Variants in CETN3 observed in about 807,000 individuals in gnomAD.
CETN3 encodes the protein centrin 3.
In CETN3, 17 loss-of-function variants were observed where a neutral mutation model predicts 20.1. The observed-to-expected ratio is 0.85, with a 90% CI of 0.58 to 1.27. CETN3 has a LOEUF of 1.27. Ranked by LOEUF, CETN3 falls within the 50% of genes most tolerant of loss-of-function variation. CETN3 has a pLI of 0.00. For missense variants in CETN3, 169 were observed against 191.2 expected, an observed-to-expected ratio of 0.88 and a Z score of 0.69; for synonymous variants, 52 against 59.7, an observed-to-expected ratio of 0.87 and a Z score of 0.59.
chr5:90,398,391 G>A (rs2151882208), intron 4 of CETN3, among the ~76,000 whole-genome samples: 1 of 152,232 alleles, frequency 6.6e-6, no homozygotes, highest in Non-Finnish European at 1.5e-5. Context: ...TTCTCTAAAT[G>A]CTATAGGCCT....
intron 3 of CETN3, among the ~76,000 whole-genome samples, chr5:90,404,603 T>C (rs1008579166): frequency 1.3e-5 from 2 of 152,230 alleles, no homozygotes; most frequent in Non-Finnish European, 2.9e-5. Context: ...TCTTCTGTGC[T>C]GTGTTTTTTT....
At chr5:90,403,156 T>C (rs1749344049) in intron 3 of CETN3, among the ~76,000 whole-genome samples, 1 of 152,196 alleles carries the variant, frequency 6.6e-6, no homozygotes, top group Non-Finnish European at 1.5e-5. Context: ...TCTATAATAG[T>C]TAACTGCCAA....
At chr5:90,405,500 T>C (rs977494168) in intron 3 of CETN3, 185 bp downstream of exon 3, 2 of 548,528 alleles carry the variant, frequency 3.6e-6, no homozygotes, top group Admixed American at 7.3e-5. Flanking sequence ...ACTATAAATC[T>C]CAGAGCAAAG....
chr5:90,397,045 A>G (rs1241210184), intron 4 of CETN3, among the ~76,000 whole-genome samples: 1 of 152,124 alleles, frequency 6.6e-6, no homozygotes, highest in Non-Finnish European at 1.5e-5. Context: ...GTTATATGAA[A>G]ATACTATGCC....
At chr5:90,399,598 G>T in intron 3 of CETN3, 49 bp from the exon 4 acceptor site, 1 of 1,401,034 alleles carries the variant, frequency 7.1e-7, no homozygotes, top group Non-Finnish European at 1.0e-6. Flanking sequence ...TAATCACAAA[G>T]GCATTCATTT....
chr5:90,397,068 G>C (rs187250962), intron 4 of CETN3, among the ~76,000 whole-genome samples: 1 of 152,066 alleles, frequency 6.6e-6, no homozygotes, highest in East Asian at 1.9e-4. Context: ...TTTATACAAG[G>C]GACTTGAGCA....
At chr5:90,407,551 T>C in intron 2 of CETN3, 148 bp downstream of exon 2, 1 of 453,768 alleles carries the variant, frequency 2.2e-6, no homozygotes, top group South Asian at 8.9e-5. Context: ...TCAGTTTTAT[T>C]ACAGCATCTA....
At chr5:90,396,065 T>C (rs747053315) in intron 4 of CETN3, 9 of 939,420 alleles carry the variant, frequency 9.6e-6, no homozygotes, top group Non-Finnish European at 1.0e-5. Context: ...ATAAGAAAAA[T>C]TTAGGTAAAG....
rs990922917 is a variant in CETN3, at chr5:90,399,676, T to C, written c.269-127A>G. 3.2e-5 allele frequency: 23 copies of C among 710,600 alleles called. No homozygotes were observed. The Admixed American group carries it at 4.0e-4, about 12-fold the overall frequency. 44.0% of individuals were successfully genotyped at this position (710,600 alleles called of 1,614,324 possible). On this transcript the variant is annotated intron_variant, in intron 3 of 4. Coordinates refer to ENST00000283122, the MANE Select transcript of CETN3 (RefSeq NM_004365.4). The stretch of plus-strand genomic sequence containing the variant: ...GTCAACTTTTAGTCTGACAATAAAA[T>C]GTCAAATGAGATCCCCAAACCCCGA...
intron 3 of CETN3, among the ~76,000 whole-genome samples, chr5:90,402,381 C>G (rs748968426): frequency 2.6e-5 from 4 of 152,146 alleles, no homozygotes; most frequent in Non-Finnish European, 5.9e-5. Context: ...CTGGCCCAAT[C>G]CTATGTTTCC....
chr5:90,392,665 C>T lies in CETN3; in HGVS notation c.*1399G>A, dbSNP rs569302704. 1 of 152,334 alleles carries T rather than the reference C, an allele frequency of 6.6e-6. No homozygotes were observed. The highest frequency in any genetic ancestry group is 2.4e-5 in the African/African-American group (1 of 41,560). 9.4% of individuals were successfully genotyped at this position (152,334 alleles called of 1,614,324 possible). A position where few individuals can be genotyped will look rare whatever the true frequency, so the allele number is the denominator to read the frequency against. On this transcript the variant is annotated 3_prime_UTR_variant, in exon 5 of 5. Transcript: ENST00000283122. ...GCCTTCTACCATGACTGTAAGCTTCCTGAGGCCTCCCCAAAAGCAGAAGCA... is the reference window on the plus strand; with the variant it reads ...GCCTTCTACCATGACTGTAAGCTTCTTGAGGCCTCCCCAAAAGCAGAAGCA...
At chr5:90,408,794 A>G (rs1749537365) in intron 1 of CETN3, among the ~76,000 whole-genome samples, 1 of 132,058 alleles carries the variant, frequency 7.6e-6, no homozygotes, top group African/African-American at 3.0e-5. Flanking sequence ...TGGTCTCTGA[A>G]AGCTCCAAAA....
chr5:90,399,576 A>C (rs1749230089), intron 3 of CETN3, 27 bp from the exon 4 acceptor site: 9 of 1,548,436 alleles, frequency 5.8e-6, no homozygotes, highest in Non-Finnish European at 7.1e-6. Context: ...TATATATTTT[A>C]ATAAACCTGC....
chr5:90,407,619 T>C (rs1749485946), intron 2 of CETN3, 80 bp downstream of exon 2: 1 of 1,008,310 alleles, frequency 9.9e-7, no homozygotes, highest in Admixed American at 4.0e-5. Context: ...AAAATAATTA[T>C]TTAGAAATGT....
At chr5:90,409,111 A>T (rs538398658) in intron 1 of CETN3, among the ~76,000 whole-genome samples, 6 of 152,278 alleles carry the variant, frequency 3.9e-5, no homozygotes, top group South Asian at 2.1e-4. Flanking sequence ...ACTGAAAGGT[A>T]AAAAAATGCA....
chr5:90,403,857 C>T (rs1485682952), intron 3 of CETN3, among the ~76,000 whole-genome samples: 4 of 104,688 alleles, frequency 3.8e-5, no homozygotes, highest in African/African-American at 1.6e-4. Flanking sequence ...GGCGACAGAG[C>T]GAGACTCTGT....
Position 90,394,012 on chromosome 5 carries a change from T to C in CETN3, c.*52A>G, listed in dbSNP as rs1437851904. The C allele has an allele frequency of 4.7e-6, 6 of 1,281,434 alleles. No individual in the cohort carries two copies. Among genetic ancestry groups the C allele is most frequent in the Non-Finnish European group, 6.7e-6 (6 of 899,180 alleles). The allele number at this position is 1,281,434 out of a possible 1,614,324, so 79.4% of individuals were successfully genotyped here. On this transcript the variant is annotated 3_prime_UTR_variant, in exon 5 of 5. Coordinates refer to ENST00000283122, the MANE Select transcript of CETN3 (RefSeq NM_004365.4). ...TTTCACATGGCTCCAGGCACAAAAA[T>C]AGAATATAAGATGGTAACTGCAACA...
At chr5:90,403,386 A>G (rs778077895) in intron 3 of CETN3, among the ~76,000 whole-genome samples, 1 of 152,240 alleles carries the variant, frequency 6.6e-6, no homozygotes, top group Non-Finnish European at 1.5e-5. Flanking sequence ...CTCCATAGGT[A>G]GCCTTAAGAT....
intron 3 of CETN3, among the ~76,000 whole-genome samples, chr5:90,401,832 A>G (rs1749298650): frequency 6.6e-6 from 1 of 152,124 alleles, no homozygotes. Flanking sequence ...TATAGTACTG[A>G]GAATACTGTT....
Sources: gnomAD v4.1 joint callset for allele counts (sites outside exome capture counted in the v4.1 genomes callset) on GRCh38, gnomAD v4.1.1 for gene constraint, MANE v1.5 for transcripts, NCBI Gene and HGNC (gene_info 2026-07-23, HGNC 2026-07-21) for gene names.